Variants in OSMR observed in about 807,000 individuals in gnomAD.
The protein encoded by OSMR is oncostatin M receptor.
OSMR carries 81 observed loss-of-function variants against 99.9 expected under a neutral mutation model. That is an observed-to-expected ratio of 0.81 (90% CI 0.68 to 0.97). OSMR has a LOEUF of 0.97. OSMR is among the 50% of genes least tolerant of loss of function. The pLI is 0.00. For missense variants in OSMR, 1,099 were observed against 1,153.4 expected (o/e 0.95, Z 0.68); for synonymous variants, 406 against 410.4 (o/e 0.99, Z 0.13).
intron 1 of OSMR, chr5:38,942,450 T>A: frequency 1.3e-6 from 1 of 792,940 alleles, no homozygotes; most frequent in Non-Finnish European, 1.9e-6. Context: ...TATAAATATC[T>A]AATTTTTTTT....
chr5:38,847,433 G>A (rs1187839004), intron 1 of OSMR, among the ~76,000 whole-genome samples: 1 of 152,138 alleles, frequency 6.6e-6, no homozygotes, highest in African/African-American at 2.4e-5. Context: ...CAGCTAGCAG[G>A]TGACAGTATC....
intron 1 of OSMR, among the ~76,000 whole-genome samples, chr5:38,866,113 G>A (rs940201662): frequency 1.3e-5 from 2 of 152,250 alleles, no homozygotes; most frequent in South Asian, 4.1e-4. Flanking sequence ...AGTGTGAGTG[G>A]CTGCCAGAGG....
chr5:38,884,055 A>G lies in OSMR; in HGVS notation c.647A>G (p.Glu216Gly). 6.2e-7 allele frequency: 1 copy of G among 1,614,094 alleles called. No individual in the cohort carries two copies. The highest frequency in any genetic ancestry group is 8.5e-7 in the Non-Finnish European group (1 of 1,179,940). Residue 216 changes from glutamate to glycine, a missense_variant, in exon 5 of 18, where the codon GAG becomes GGG. Transcript: ENST00000274276. ...IRNKGTNIYC[E>G]ASQGNVSEGM... ...AATAAAGGGACAAATATCTATTGTGAGGCAAGTCAAGGAAATGTCAGTGAA... is the reference window on the plus strand; with the variant it reads ...AATAAAGGGACAAATATCTATTGTGGGGCAAGTCAAGGAAATGTCAGTGAA...
At chr5:38,869,374 T>TGTAAATA (rs1449692654) in intron 2 of OSMR, among the ~76,000 whole-genome samples, 1 of 152,230 alleles carries the variant, frequency 6.6e-6, no homozygotes, top group Non-Finnish European at 1.5e-5. Flanking sequence ...TTAGGGCAGT[T>TGTAAATA]GTAAATAGAC....
intron 10 of OSMR, 82 bp downstream of exon 10, chr5:38,917,704 G>A: frequency 8.6e-7 from 1 of 1,166,594 alleles, no homozygotes. Flanking sequence ...CTGGAGAACT[G>A]TGGATTGGTT....
At position 38,906,301 on chromosome 5, in the gene OSMR, G is replaced by A. The variant is rs1345982526; in HGVS notation, c.1285+1798G>A. ...GAAAACGCTTAACTTTGCTTTTGAT[G>A]ATGACAAGAAAATGAGATGAATCTA... On this transcript the variant is annotated intron_variant, in intron 9 of 17. Transcript: ENST00000274276. 1.3e-5 allele frequency among the ~76,000 whole-genome samples: 2 copies of A among 151,882 alleles called. 1 individual carries two copies. The highest frequency in any genetic ancestry group is 2.9e-5 in the Non-Finnish European group (2 of 67,980).
chr5:38,885,652 T>C (rs1437885855), intron 6 of OSMR, among the ~76,000 whole-genome samples, 168 bp downstream of exon 6: 1 of 152,226 alleles, frequency 6.6e-6, no homozygotes, highest in Non-Finnish European at 1.5e-5. Context: ...TGTCTAATAC[T>C]TTCTACCTGA....
At chr5:38,861,751 C>T (rs112068220) in intron 1 of OSMR, among the ~76,000 whole-genome samples, 12 of 149,702 alleles carry the variant, frequency 8.0e-5, no homozygotes, top group Non-Finnish European at 1.2e-4. Context: ...AGGGGACTGA[C>T]CCCCCCACCT....
chr5:38,877,187 G>A (rs1742907030), intron 3 of OSMR, among the ~76,000 whole-genome samples: 1 of 152,154 alleles, frequency 6.6e-6, no homozygotes, highest in Non-Finnish European at 1.5e-5. Context: ...TTTTCCTACA[G>A]GTAAGAGAAG....
intron 3 of OSMR, among the ~76,000 whole-genome samples, chr5:38,877,530 A>G (rs1044607506): frequency 6.6e-6 from 1 of 152,168 alleles, no homozygotes; most frequent in African/African-American, 2.4e-5. Flanking sequence ...CCTGCTATCA[A>G]CACATCTTTC....
At position 38,849,371 on chromosome 5, in the gene OSMR, C is replaced by T. The variant is rs146512590; in HGVS notation, c.-14+2984C>T. On this transcript the variant is annotated intron_variant, in intron 1 of 17. Transcript: ENST00000274276. ...TTTATTTAATAATTCATCTTTTTTCCAACTCATTTGAAATTCTGTTTTTAT... is the reference window on the plus strand; with the variant it reads ...TTTATTTAATAATTCATCTTTTTTCTAACTCATTTGAAATTCTGTTTTTAT... 6.3e-3 allele frequency among the ~76,000 whole-genome samples: 957 copies of T among 152,072 alleles called. 11 individuals are homozygous for T. The highest frequency in any genetic ancestry group is 0.022 in the African/African-American group (894 of 41,504).
At position 38,881,783 on chromosome 5, in the gene OSMR, A is replaced by G. The variant is rs1743308685; in HGVS notation, c.418+19A>G. On this transcript the variant is annotated intron_variant, in intron 4 of 17. Transcript: ENST00000274276. ...GTCAGTGGTAAGAAGTGAGGTGGTT[A>G]CAAGAGTGAAAAGGGTTAATATATT... The G allele has an allele frequency of 1.2e-6, 2 of 1,600,436 alleles. No individual in the cohort carries two copies. Among genetic ancestry groups the G allele is most frequent in the Non-Finnish European group, 1.7e-6 (2 of 1,167,482 alleles).
chr5:38,902,001 CT>C (rs1328537003), intron 7 of OSMR, among the ~76,000 whole-genome samples: 3 of 152,132 alleles, frequency 2.0e-5, no homozygotes, highest in Non-Finnish European at 4.4e-5. Context: ...TGGTGTTCAG[CT>C]TAAGTGGCCT....
chr5:38,852,369 T>C (rs74445311), intron 1 of OSMR, among the ~76,000 whole-genome samples: 1 of 152,204 alleles, frequency 6.6e-6, no homozygotes, highest in Non-Finnish European at 1.5e-5. Context: ...AGAATTTTAG[T>C]AGATGTGGTC....
chr5:38,911,094 G>A (rs1745547087), intron 9 of OSMR, among the ~76,000 whole-genome samples: 1 of 152,056 alleles, frequency 6.6e-6, no homozygotes, highest in African/African-American at 2.4e-5. Context: ...ACCAAAATTA[G>A]AACTGAACTG....
intron 9 of OSMR, among the ~76,000 whole-genome samples, chr5:38,908,352 A>G (rs1745375645): frequency 6.6e-6 from 1 of 152,180 alleles, no homozygotes; most frequent in Non-Finnish European, 1.5e-5. Flanking sequence ...CCACCAGGGC[A>G]ACTGCATGCA....
chr5:38,868,888 A>G, intron 1 of OSMR, 144 bp from the exon 2 acceptor site: 1 of 953,468 alleles, frequency 1.0e-6, no homozygotes, highest in South Asian at 1.7e-5. Context: ...GGGGGACTCT[A>G]AAGTACCATG....
chr5:38,891,332 G>A (rs536993692), intron 7 of OSMR, among the ~76,000 whole-genome samples: 89 of 152,316 alleles, frequency 5.8e-4, no homozygotes, highest in Non-Finnish European at 1.5e-5. Flanking sequence ...TCTTAAGATG[G>A]CTTTGTTTCT....
At chr5:38,885,235 A>G in intron 5 of OSMR, 114 bp from the exon 6 acceptor site, 1 of 1,553,410 alleles carries the variant, frequency 6.4e-7, no homozygotes, top group Non-Finnish European at 8.7e-7. Flanking sequence ...CACCTCAGTG[A>G]CCCCTTCCTT....
Sources: gnomAD v4.1 joint callset for allele counts (sites outside exome capture counted in the v4.1 genomes callset) on GRCh38, gnomAD v4.1.1 for gene constraint, MANE v1.5 for transcripts, NCBI Gene and HGNC (gene_info 2026-07-23, HGNC 2026-07-21) for gene names.